DCC: variants seen among roughly 807,000 people sequenced by gnomAD.
DCC encodes netrin receptor DCC.
A neutral mutation model predicts 172.5 loss-of-function variants in DCC; 58 were observed. That is an observed-to-expected ratio of 0.34 (90% CI 0.27 to 0.42). The LOEUF (loss-of-function observed/expected upper bound fraction) is 0.42. Among genes scored for constraint, DCC ranks in the 10% least tolerant of loss-of-function variants. The pLI is 1.00. For synonymous variants in DCC, 709 were observed against 644.5 expected (o/e 1.10, Z -1.52); for missense variants, 1,740 against 1,791.0 (o/e 0.97, Z 0.51).
chr18:52,362,660 G>A (rs999383101), intron 1 of DCC, among the ~76,000 whole-genome samples: 1 of 151,856 alleles, frequency 6.6e-6, no homozygotes, highest in Non-Finnish European at 1.5e-5. Context: ...AATATCAGAG[G>A]AACCTTAAAA....
intron 7 of DCC, among the ~76,000 whole-genome samples, chr18:53,068,009 A>G (rs980233508): frequency 6.6e-6 from 1 of 152,178 alleles, no homozygotes; most frequent in Non-Finnish European, 1.5e-5. Flanking sequence ...TAAAATAACT[A>G]TAGAACAACA....
intron 27 of DCC, among the ~76,000 whole-genome samples, chr18:53,502,820 A>G (rs778584823): frequency 3.3e-5 from 5 of 152,076 alleles, no homozygotes; most frequent in Non-Finnish European, 7.4e-5. Context: ...TCCCCACTCA[A>G]ATTCCTGTGT....
intron 1 of DCC, among the ~76,000 whole-genome samples, chr18:52,671,893 A>G (rs746013856): frequency 8.5e-5 from 13 of 152,100 alleles, no homozygotes; most frequent in African/African-American, 2.2e-4. Context: ...AAAAGGAAGT[A>G]AATACCCCAT....
intron 1 of DCC, among the ~76,000 whole-genome samples, chr18:52,645,071 C>G (rs1598983380): frequency 6.6e-6 from 1 of 151,794 alleles, no homozygotes; most frequent in East Asian, 1.9e-4. Context: ...AAGCGGATTT[C>G]CCCATTGATT....
intron 9 of DCC, among the ~76,000 whole-genome samples, chr18:53,202,040 G>A (rs562261145): frequency 3.5e-4 from 53 of 152,206 alleles, no homozygotes; most frequent in African/African-American, 1.1e-3. Flanking sequence ...ATGTGTGTGC[G>A]TATGTATGCA....
chr18:53,187,184 G>A (rs962415343), intron 9 of DCC, among the ~76,000 whole-genome samples: 4 of 149,776 alleles, frequency 2.7e-5, no homozygotes, highest in Non-Finnish European at 4.4e-5. Flanking sequence ...GTGCAGTGGT[G>A]TGATCTCAGC....
chr18:53,296,043 T>C (rs2057063375), intron 12 of DCC, among the ~76,000 whole-genome samples: 1 of 152,208 alleles, frequency 6.6e-6, no homozygotes, highest in Admixed American at 6.5e-5. Context: ...ATTCATAGAA[T>C]AGAAGTTACA....
intron 1 of DCC, among the ~76,000 whole-genome samples, chr18:52,721,326 T>C (rs1337196624): frequency 1.3e-5 from 2 of 152,230 alleles, no homozygotes; most frequent in Admixed American, 6.5e-5. Flanking sequence ...AATGTTGGGC[T>C]GTTCCTTCTG....
At chr18:52,666,078 G>C (rs2035454597) in intron 1 of DCC, among the ~76,000 whole-genome samples, 1 of 152,152 alleles carries the variant, frequency 6.6e-6, no homozygotes, top group Non-Finnish European at 1.5e-5. Flanking sequence ...CACCAGGTCA[G>C]GAGTTCAAGA....
At chr18:53,226,478 C>T (rs1490296727) in intron 12 of DCC, among the ~76,000 whole-genome samples, 2 of 152,266 alleles carry the variant, frequency 1.3e-5, no homozygotes, top group East Asian at 3.9e-4. Context: ...TTAAAAAGCA[C>T]ATCAGCGGGA....
intron 15 of DCC, among the ~76,000 whole-genome samples, chr18:53,363,782 C>T (rs961710406): frequency 2.0e-5 from 3 of 152,142 alleles, no homozygotes; most frequent in Admixed American, 6.6e-5. Flanking sequence ...TGTACCACAA[C>T]TTTTAAGTAG....
chr18:52,421,563 T>C (rs578248792), intron 1 of DCC, among the ~76,000 whole-genome samples: 2 of 152,302 alleles, frequency 1.3e-5, no homozygotes, highest in African/African-American at 4.8e-5. Context: ...GGATGGTGTC[T>C]TTTCAGCACA....
At chr18:52,551,966 TG>T (rs1394681648) in intron 1 of DCC, among the ~76,000 whole-genome samples, 2 of 151,412 alleles carry the variant, frequency 1.3e-5, no homozygotes, top group South Asian at 2.1e-4. Flanking sequence ...GGATTTGGTG[TG>T]GGGGGTATTG....
chr18:52,610,789 T>C (rs1419746263), intron 1 of DCC, among the ~76,000 whole-genome samples: 1 of 152,194 alleles, frequency 6.6e-6, no homozygotes, highest in Non-Finnish European at 1.5e-5. Context: ...ACATTTAGAT[T>C]TCATATAATT....
chr18:52,612,115 A>G (rs1022222722), intron 1 of DCC, among the ~76,000 whole-genome samples: 5 of 152,108 alleles, frequency 3.3e-5, no homozygotes, highest in African/African-American at 4.8e-5. Context: ...AAACTGACAT[A>G]CCCCAATACT....
At chr18:53,070,878 C>T (rs915625118) in intron 7 of DCC, among the ~76,000 whole-genome samples, 1 of 152,196 alleles carries the variant, frequency 6.6e-6, no homozygotes, top group Admixed American at 6.5e-5. Flanking sequence ...ACTCCAATTC[C>T]TCAGAGATGC....
chr18:52,951,674 A>G (rs907885456), intron 5 of DCC, among the ~76,000 whole-genome samples: 3 of 152,212 alleles, frequency 2.0e-5, no homozygotes, highest in Admixed American at 6.5e-5. Flanking sequence ...GGAAAGCAGT[A>G]TGTAGACTCC....
intron 1 of DCC, among the ~76,000 whole-genome samples, chr18:52,733,111 ATCAAAC>A (rs1194201453): frequency 1.5e-4 from 23 of 152,186 alleles, no homozygotes; most frequent in Non-Finnish European, 3.4e-4. Flanking sequence ...ATGTCAAAGC[ATCAAAC>A]TCACCACTAT....
chr18:52,862,181 C>G (rs563609074), intron 2 of DCC, among the ~76,000 whole-genome samples: 3 of 151,986 alleles, frequency 2.0e-5, no homozygotes, highest in African/African-American at 7.2e-5. Flanking sequence ...CCAGATAAAC[C>G]TCGTATGTTC....
Sources: allele counts gnomAD v4.1 joint callset (sites outside exome capture counted in the v4.1 genomes callset), GRCh38; gene constraint gnomAD v4.1.1; transcripts MANE v1.5; gene names NCBI Gene and HGNC (gene_info 2026-07-23, HGNC 2026-07-21).